The following PGAP1 variants were observed in gnomAD, a reference collection of about 807,000 sequenced individuals.
PGAP1 encodes the protein post-GPI attachment to proteins inositol deacylase 1, also known as GPI inositol-deacylase.
A neutral mutation model predicts 127.0 loss-of-function variants in PGAP1; 76 were observed. That is an observed-to-expected ratio of 0.60 (90% CI 0.50 to 0.72). The LOEUF (loss-of-function observed/expected upper bound fraction) is 0.72. Among genes scored for constraint, PGAP1 ranks in the 30% least tolerant of loss-of-function variants. The probability of loss-of-function intolerance (pLI) is 0.00; values close to 1 mark genes in which losing one functional copy is unlikely to be tolerated. For synonymous variants in PGAP1, 362 were observed against 366.5 expected (o/e 0.99, Z 0.14); for missense variants, 982 against 1,071.3 (o/e 0.92, Z 1.16).
intron 9 of PGAP1, among the ~76,000 whole-genome samples, chr2:196,892,130 TC>T (rs1186544207): frequency 2.0e-5 from 3 of 151,922 alleles, no homozygotes; most frequent in African/African-American, 7.3e-5. Context: ...CTTGTTTGGA[TC>T]CTGATGTAAA....
intron 23 of PGAP1, among the ~76,000 whole-genome samples, chr2:196,844,951 A>G (rs921365651): frequency 6.6e-6 from 1 of 152,090 alleles, no homozygotes; most frequent in Non-Finnish European, 1.5e-5. Context: ...ATTACATTCA[A>G]TATAGTAAAA....
intron 1 of PGAP1, among the ~76,000 whole-genome samples, chr2:196,920,672 T>A (rs1003207990): frequency 1.3e-5 from 2 of 152,166 alleles, no homozygotes; most frequent in African/African-American, 4.8e-5. Flanking sequence ...CAACTTAATA[T>A]GCTTTGGCCT....
chr2:196,874,060 A>G (rs1313806083), intron 14 of PGAP1: 1 of 215,936 alleles, frequency 4.6e-6, no homozygotes, highest in African/African-American at 2.3e-5. Context: ...CTTCAATGAT[A>G]TGGGTGATTC....
At position 196,833,817 on chromosome 2, in the gene PGAP1, G is replaced by C. The variant is rs577645718; in HGVS notation, c.*7417C>G. ...GATTATCCTGTGAATAAAATAATTT[G>C]GACCTTAATATAAATTATATCCATT... On this transcript the variant is annotated 3_prime_UTR_variant, in exon 27 of 27. Coordinates refer to ENST00000354764, the MANE Select transcript of PGAP1 (RefSeq NM_024989.4). 7.9e-5 allele frequency: 12 copies of C among 151,946 alleles called. No individual in the cohort carries two copies. In the East Asian group the frequency reaches 2.3e-3, roughly 29 times the overall value. 9.4% of individuals were successfully genotyped at this position (151,946 alleles called of 1,614,324 possible). A position where few individuals can be genotyped will look rare whatever the true frequency, so the allele number is the denominator to read the frequency against.
At chr2:196,890,312 G>A (rs1702057354) in intron 10 of PGAP1, among the ~76,000 whole-genome samples, 2 of 152,112 alleles carry the variant, frequency 1.3e-5, no homozygotes, top group East Asian at 3.9e-4. Context: ...GCCTAACATA[G>A]TAGGTACTCA....
chr2:196,848,904 C>T (rs57411411), intron 20 of PGAP1, among the ~76,000 whole-genome samples: 15,486 of 152,156 alleles, frequency 0.1, 947 homozygotes, highest in African/African-American at 0.17. Flanking sequence ...AGTAGCGACA[C>T]TATTTTACAC....
intron 13 of PGAP1, among the ~76,000 whole-genome samples, chr2:196,876,258 G>C (rs59538767): frequency 0.1 from 15,517 of 151,992 alleles, 959 homozygotes; most frequent in African/African-American, 0.17. Context: ...GAAAAATCCT[G>C]TATTTATTAA....
At chr2:196,844,173 T>C in intron 24 of PGAP1, 98 bp from the exon 25 acceptor site, 1 of 679,958 alleles carries the variant, frequency 1.5e-6, no homozygotes, top group East Asian at 3.1e-5. Flanking sequence ...TAAGTACATC[T>C]TTCCATTACC....
At chr2:196,857,483 C>A (rs1700923481) in intron 20 of PGAP1, among the ~76,000 whole-genome samples, 2 of 152,218 alleles carry the variant, frequency 1.3e-5, no homozygotes, top group Admixed American at 1.3e-4. Flanking sequence ...ATTAGACCAA[C>A]AACCTGGGAC....
At chr2:196,898,869 C>T (rs1702378810) in intron 5 of PGAP1, among the ~76,000 whole-genome samples, 1 of 151,188 alleles carries the variant, frequency 6.6e-6, no homozygotes, top group South Asian at 2.1e-4. Context: ...TGCCTAATCA[C>T]AACTGCAAAA....
intron 7 of PGAP1, among the ~76,000 whole-genome samples, chr2:196,895,398 A>G (rs1418383879): frequency 6.6e-6 from 1 of 152,210 alleles, no homozygotes; most frequent in African/African-American, 2.4e-5. Flanking sequence ...CAGTTGAAGT[A>G]AAAACTGGTC....
At chr2:196,912,440 G>A (rs1702855928) in intron 4 of PGAP1, among the ~76,000 whole-genome samples, 3 of 151,860 alleles carry the variant, frequency 2.0e-5, no homozygotes, top group Non-Finnish European at 2.9e-5. Context: ...TTCAAGACCA[G>A]CCTGGGCAAT....
intron 1 of PGAP1, among the ~76,000 whole-genome samples, chr2:196,922,831 A>G (rs1671713311): frequency 6.6e-6 from 1 of 151,560 alleles, no homozygotes; most frequent in Non-Finnish European, 1.5e-5. Flanking sequence ...CAGGCAGCAC[A>G]TGCCATCACA....
At chr2:196,881,041 G>T (rs1348658152) in intron 12 of PGAP1, among the ~76,000 whole-genome samples, 1 of 151,846 alleles carries the variant, frequency 6.6e-6, no homozygotes, top group African/African-American at 2.4e-5. Context: ...CCTCCAATAG[G>T]CCCGAGTGTG....
In PGAP1 at chr2:196,846,988, T is replaced by A. The variant is rs373346746; in HGVS notation, c.2150+15A>T. 6.3e-7 allele frequency: 1 copy of A among 1,591,340 alleles called. No individual in the cohort carries two copies. Among genetic ancestry groups the A allele is most frequent in the South Asian group, 1.1e-5 (1 of 88,418 alleles). On this transcript the variant is annotated intron_variant, in intron 22 of 26. Transcript: ENST00000354764. Reference sequence around the variant, plus strand: ...CTTAAAGCAATAAGAAAGCTGTTAATCATTCATTCTTTACCTTTTCAAAGC... The same window carrying A: ...CTTAAAGCAATAAGAAAGCTGTTAAACATTCATTCTTTACCTTTTCAAAGC...
Position 196,873,536 on chromosome 2 carries a change from G to C in PGAP1, c.1544C>G (p.Ala515Gly). The change falls in exon 16 of 27, where the codon GCA (alanine) becomes GGA (glycine). Residue 515 changes from alanine (A) to glycine (G), a missense_variant. Physicochemically the swap from Ala to Gly is moderately conservative, Grantham distance 60. Transcript: ENST00000354764. ...TTAGAAAACATATTTACCTTTGACT[G>C]CTGAGCACTTGCTTACCACGTTGAT... is the stretch of plus-strand genomic sequence containing the variant. ...FKINVVSKCS[A>G]VKEEITSIYR... 1 of 1,608,448 alleles carries C rather than the reference G, an allele frequency of 6.2e-7. No homozygotes were observed. Among genetic ancestry groups the C allele is most frequent in the Non-Finnish European group, 8.5e-7 (1 of 1,176,876 alleles).
intron 20 of PGAP1, among the ~76,000 whole-genome samples, chr2:196,856,012 G>T (rs368773710): frequency 1.8e-4 from 27 of 152,002 alleles, no homozygotes; most frequent in South Asian, 6.2e-4. Flanking sequence ...TTTGTTTTTT[G>T]TGTGTGTGTG....
chr2:196,851,280 C>T (rs1041664643), intron 20 of PGAP1, among the ~76,000 whole-genome samples: 1 of 151,982 alleles, frequency 6.6e-6, no homozygotes. Context: ...CTGCAAAAAC[C>T]ACAACTCTGC....
At chr2:196,857,106 A>G (rs1043686487) in intron 20 of PGAP1, among the ~76,000 whole-genome samples, 4 of 152,178 alleles carry the variant, frequency 2.6e-5, no homozygotes, top group African/African-American at 9.7e-5. Context: ...AAGTCAAACT[A>G]TCTCTGTTTG....
Sources: gnomAD v4.1 joint callset for allele counts (sites outside exome capture counted in the v4.1 genomes callset) on GRCh38, gnomAD v4.1.1 for gene constraint, MANE v1.5 for transcripts, NCBI Gene and HGNC (gene_info 2026-07-23, HGNC 2026-07-21) for gene names.